PTPRM: variants seen among roughly 807,000 people sequenced by gnomAD.
PTPRM encodes the protein receptor-type tyrosine-protein phosphatase mu.
PTPRM carries 47 observed loss-of-function variants against 186.7 expected under a neutral mutation model. The observed-to-expected ratio is 0.25, with a 90% CI of 0.20 to 0.32. PTPRM has a LOEUF of 0.32. Ranked by LOEUF, PTPRM falls within the 10% of genes least tolerant of loss-of-function variation. PTPRM has a pLI of 1.00. For missense variants in PTPRM, 1,494 were observed against 1,865.0 expected, an observed-to-expected ratio of 0.80 and a Z score of 3.66; for synonymous variants, 668 against 674.9, an observed-to-expected ratio of 0.99 and a Z score of 0.16.
intron 1 of PTPRM, among the ~76,000 whole-genome samples, chr18:7,706,319 C>A (rs1401909394): frequency 6.6e-6 from 1 of 151,626 alleles, no homozygotes; most frequent in Non-Finnish European, 1.5e-5. Flanking sequence ...TGTTGCAGGC[C>A]AGTTATGATG....
chr18:7,603,935 C>T (rs2037467982), intron 1 of PTPRM, among the ~76,000 whole-genome samples: 1 of 152,218 alleles, frequency 6.6e-6, no homozygotes, highest in Admixed American at 6.5e-5. Context: ...GGGCTTGTGT[C>T]TGCCTAACCC....
intron 1 of PTPRM, among the ~76,000 whole-genome samples, chr18:7,575,666 T>C (rs1020080816): frequency 6.6e-6 from 1 of 152,226 alleles, no homozygotes; most frequent in Non-Finnish European, 1.5e-5. Flanking sequence ...TGTTAACCTT[T>C]GGGGCCTTCT....
At chr18:7,960,926 C>T (rs2053639040) in intron 7 of PTPRM, among the ~76,000 whole-genome samples, 1 of 152,038 alleles carries the variant, frequency 6.6e-6, no homozygotes, top group South Asian at 2.1e-4. Flanking sequence ...ACAAAACTTA[C>T]CATCTTAACG....
intron 1 of PTPRM, among the ~76,000 whole-genome samples, chr18:7,629,557 G>T (rs968257134): frequency 2.6e-5 from 4 of 152,136 alleles, no homozygotes; most frequent in African/African-American, 9.7e-5. Context: ...TTTTGGAGGA[G>T]CATGTATGAA....
chr18:8,177,385 C>T lies in PTPRM; in HGVS notation c.2300+33606C>T, dbSNP rs116779799. ...AGAATGATTCACAAATCTGGCAGCC[C>T]TCAGAACCAGAAGAGGTTCACAGAG... On this transcript the variant is annotated intron_variant, in intron 14 of 32. Transcript: ENST00000580170. Among the ~76,000 whole-genome samples, 876 of 152,268 alleles carry T rather than the reference C, an allele frequency of 5.8e-3. 4 individuals are homozygous for T. Among genetic ancestry groups the T allele is most frequent in the African/African-American group, 0.02 (839 of 41,556 alleles).
intron 2 of PTPRM, among the ~76,000 whole-genome samples, chr18:7,812,914 G>C (rs59478955): frequency 0.052 from 7,927 of 152,170 alleles, 592 homozygotes; most frequent in African/African-American, 0.16. Context: ...TTGTCAGTTT[G>C]AGGTTGAACC....
chr18:7,647,697 C>T (rs111665103), intron 1 of PTPRM, among the ~76,000 whole-genome samples: 97 of 152,318 alleles, frequency 6.4e-4, no homozygotes, highest in African/African-American at 2.3e-3. Flanking sequence ...TGGTGATTAA[C>T]AACACTTGCT....
intron 14 of PTPRM, among the ~76,000 whole-genome samples, chr18:8,201,322 CAAAAA>C (rs983836949): frequency 1.1e-4 from 17 of 151,860 alleles, no homozygotes; most frequent in Non-Finnish European, 2.4e-4. Flanking sequence ...TCTCCAAAAA[CAAAAA>C]AGAAAAGATT....
intron 2 of PTPRM, among the ~76,000 whole-genome samples, chr18:7,838,412 A>G (rs993759034): frequency 2.0e-5 from 3 of 152,218 alleles, no homozygotes; most frequent in African/African-American, 7.2e-5. Flanking sequence ...GCCAAATGAT[A>G]TCATAGAGGT....
chr18:8,396,368 C>A (rs2095845449), intron 32 of PTPRM, among the ~76,000 whole-genome samples: 1 of 151,848 alleles, frequency 6.6e-6, no homozygotes, highest in Admixed American at 6.6e-5. Flanking sequence ...TGACCTTGAT[C>A]AAAAAAAATG....
At chr18:8,155,663 A>G (rs761251393) in intron 14 of PTPRM, among the ~76,000 whole-genome samples, 1 of 152,254 alleles carries the variant, frequency 6.6e-6, no homozygotes, top group Non-Finnish European at 1.5e-5. Context: ...TCTGAAGACA[A>G]CATGAAACAA....
intron 23 of PTPRM, among the ~76,000 whole-genome samples, chr18:8,359,734 C>T (rs2095585229): frequency 6.6e-6 from 1 of 152,238 alleles, no homozygotes; most frequent in African/African-American, 2.4e-5. Context: ...CAGCACATTC[C>T]TACCTGCTCG....
intron 7 of PTPRM, among the ~76,000 whole-genome samples, chr18:7,973,377 A>G (rs1222463380): frequency 2.0e-5 from 3 of 152,178 alleles, no homozygotes; most frequent in Non-Finnish European, 4.4e-5. Context: ...CAGGGTCCTC[A>G]AATGCTTTCG....
At chr18:7,820,135 C>T (rs1391289661) in intron 2 of PTPRM, among the ~76,000 whole-genome samples, 1 of 115,138 alleles carries the variant, frequency 8.7e-6, no homozygotes, top group Non-Finnish European at 1.7e-5. Flanking sequence ...TCTTGTTGTG[C>T]CTGCCTGTAT....
intron 11 of PTPRM, among the ~76,000 whole-genome samples, chr18:8,105,941 A>G (rs2145606533): frequency 6.6e-6 from 1 of 152,360 alleles, no homozygotes; most frequent in East Asian, 1.9e-4. Flanking sequence ...GAGTAGTTCC[A>G]AGTTTGCCTG....
chr18:8,102,438 T>C (rs1257965257), intron 11 of PTPRM, among the ~76,000 whole-genome samples: 1 of 152,236 alleles, frequency 6.6e-6, no homozygotes, highest in Non-Finnish European at 1.5e-5. Flanking sequence ...TATGTTAATA[T>C]AATATTCTAA....
intron 1 of PTPRM, among the ~76,000 whole-genome samples, chr18:7,758,763 C>T (rs570284996): frequency 6.6e-6 from 1 of 152,272 alleles, no homozygotes; most frequent in Admixed American, 6.5e-5. Flanking sequence ...AAACATCTCT[C>T]TGAAGTTTAT....
rs1055082286 is a variant in PTPRM, at chr18:7,956,935, A to T, written c.1132+1521A>T. On this transcript the variant is annotated intron_variant, in intron 7 of 32. Transcript: ENST00000580170. ...AGGTTCTTTGATCCCCATAATACAG[A>T]TGGTGAAAGTGAAGCCCGTGTGAGC... 2.0e-5 allele frequency among the ~76,000 whole-genome samples: 3 copies of T among 152,348 alleles called. No homozygotes were observed. In the East Asian group the frequency reaches 5.8e-4, roughly 29 times the overall value.
At chr18:7,656,040 A>G (rs570875604) in intron 1 of PTPRM, among the ~76,000 whole-genome samples, 1 of 152,318 alleles carries the variant, frequency 6.6e-6, no homozygotes, top group East Asian at 1.9e-4. Context: ...CTAAAAAGAG[A>G]ATGATCCAAC....
Sources: gnomAD v4.1 joint callset for allele counts (sites outside exome capture counted in the v4.1 genomes callset) on GRCh38, gnomAD v4.1.1 for gene constraint, MANE v1.5 for transcripts, NCBI Gene and HGNC (gene_info 2026-07-23, HGNC 2026-07-21) for gene names.